The following SPAG17 variants were observed in gnomAD, a reference collection of about 807,000 sequenced individuals.
SPAG17 encodes sperm-associated antigen 17.
In SPAG17, 169 loss-of-function variants were observed where a neutral mutation model predicts 273.6. The observed-to-expected ratio is 0.62, with a 90% CI of 0.55 to 0.70. The LOEUF (loss-of-function observed/expected upper bound fraction) is 0.70, where lower values mean the gene tolerates loss of function less well. SPAG17 is among the 30% of genes least tolerant of loss of function. SPAG17 has a pLI of 0.00. For missense variants in SPAG17, 2,557 were observed against 2,627.8 expected (o/e 0.97, Z 0.59); for synonymous variants, 825 against 873.2 (o/e 0.94, Z 0.97).
chr1:118,002,519 C>T (rs535784045), intron 32 of SPAG17, among the ~76,000 whole-genome samples: 248 of 152,262 alleles, frequency 1.6e-3, no homozygotes, highest in Non-Finnish European at 2.8e-3. Context: ...GTATTGGGTG[C>T]ATATATATTT....
chr1:118,166,972 C>T (rs536008198), intron 1 of SPAG17, among the ~76,000 whole-genome samples: 1 of 151,918 alleles, frequency 6.6e-6, no homozygotes, highest in South Asian at 2.1e-4. Flanking sequence ...TTTTGAGGCT[C>T]AACTAAATAT....
chr1:118,185,223 C>A lies in SPAG17; in HGVS notation c.-66G>T. 2.3e-6 allele frequency: 3 copies of A among 1,331,514 alleles called. No homozygotes were observed. The highest frequency in any genetic ancestry group is 2.2e-6 in the Non-Finnish European group (2 of 924,070). 82.5% of individuals were successfully genotyped at this position (1,331,514 alleles called of 1,614,324 possible). ...GGCCCTGCCTAAGCGTCCCCGCTAC[C>A]ACAGTAACCGAAGCCACGCCCAGTT... is the stretch of plus-strand genomic sequence containing the variant. On this transcript the variant is annotated 5_prime_UTR_variant, in exon 1 of 49. Transcript: ENST00000336338.
chr1:118,095,224 G>A (rs947808230), intron 7 of SPAG17, among the ~76,000 whole-genome samples: 1 of 152,220 alleles, frequency 6.6e-6, no homozygotes, highest in Admixed American at 6.5e-5. Context: ...CAGAGTGCTA[G>A]AAATGGTGCT....
At chr1:117,958,955 G>A (rs1391203959) in intron 48 of SPAG17, 23 of 1,613,970 alleles carry the variant, frequency 1.4e-5, no homozygotes, top group Non-Finnish European at 1.9e-5. Context: ...TTGTGCCAGT[G>A]ATAGAAAAAT....
At position 118,101,836 on chromosome 1, in the gene SPAG17, C is replaced by T. The variant is rs1347564484; in HGVS notation, c.538G>A (p.Gly180Arg). The change falls in exon 5 of 49, where the codon GGA becomes AGA. Residue 180 changes from glycine to arginine, a missense_variant. Gly to Arg is a moderately radical substitution (Grantham distance 125, BLOSUM62 -2). Transcript: ENST00000336338. The part of the protein sequence containing the change: ...KKAPSAKPAK[G>R]KGKDQPEANA... ...GCCTCAGGCTGATCCTTTCCCTTTC[C>T]TTTGGCAGGCTTGGCACTTGGAGCC... 1.2e-6 allele frequency: 2 copies of T among 1,613,882 alleles called. No homozygotes were observed. Among genetic ancestry groups the T allele is most frequent in the Admixed American group, 1.7e-5 (1 of 59,958 alleles).
intron 1 of SPAG17, among the ~76,000 whole-genome samples, chr1:118,166,436 T>C (rs1240047183): frequency 1.3e-5 from 2 of 152,298 alleles, no homozygotes; most frequent in South Asian, 4.1e-4. Flanking sequence ...CAGAGAAATG[T>C]TAACAGTGGG....
intron 10 of SPAG17, among the ~76,000 whole-genome samples, chr1:118,089,015 G>C (rs1472680566): frequency 1.3e-5 from 2 of 152,196 alleles, no homozygotes. Flanking sequence ...AGACTACATT[G>C]TTACTGCTTG....
At chr1:118,041,774 A>G in intron 21 of SPAG17, 29 bp downstream of exon 21, 1 of 1,593,256 alleles carries the variant, frequency 6.3e-7, no homozygotes, top group Non-Finnish European at 8.5e-7. Flanking sequence ...TAGCCCAAAG[A>G]GACTAAGTTT....
intron 21 of SPAG17, 81 bp from the exon 22 acceptor site, chr1:118,040,922 T>C: frequency 1.1e-6 from 1 of 880,838 alleles, no homozygotes; most frequent in Non-Finnish European, 1.9e-6. Context: ...CAACTAAAGT[T>C]GCCAGAAGCT....
At chr1:117,996,875 ATTG>A in intron 32 of SPAG17, 132 bp from the exon 33 acceptor site, 3 of 887,964 alleles carry the variant, frequency 3.4e-6, no homozygotes, top group Non-Finnish European at 5.0e-6. Flanking sequence ...TTTGCAAGGT[ATTG>A]TTTACTAAGT....
At chr1:118,143,760 G>A (rs187312160) in intron 3 of SPAG17, among the ~76,000 whole-genome samples, 83 of 152,220 alleles carry the variant, frequency 5.5e-4, no homozygotes, top group Admixed American at 1.4e-3. Flanking sequence ...TAGAGTATAG[G>A]GTGTTAAGAG....
chr1:118,097,862 C>A lies in SPAG17; in HGVS notation c.830-11G>T. On this transcript the variant is annotated splice_polypyrimidine_tract_variant and intron_variant, in intron 6 of 48. Transcript: ENST00000336338. ...TTTCTGCTTCTAGATCTAATAATAGCAACATGTTTATATTACCAAATGAGA... is the reference window on the plus strand; with the variant it reads ...TTTCTGCTTCTAGATCTAATAATAGAAACATGTTTATATTACCAAATGAGA... 3 of 1,548,014 alleles carry A rather than the reference C, an allele frequency of 1.9e-6. No homozygotes were observed. Among genetic ancestry groups the A allele is most frequent in the South Asian group, 2.5e-5 (2 of 80,646 alleles).
At chr1:118,093,578 G>A (rs1481110137) in intron 7 of SPAG17, among the ~76,000 whole-genome samples, 1 of 152,126 alleles carries the variant, frequency 6.6e-6, no homozygotes, top group Non-Finnish European at 1.5e-5. Flanking sequence ...CCTAATTAAT[G>A]CTTCAACTAA....
At chr1:118,126,621 C>A (rs1255922028) in intron 3 of SPAG17, among the ~76,000 whole-genome samples, 1 of 152,042 alleles carries the variant, frequency 6.6e-6, no homozygotes, top group Non-Finnish European at 1.5e-5. Flanking sequence ...ATATTGTCTC[C>A]CATTCTATAG....
intron 28 of SPAG17, among the ~76,000 whole-genome samples, chr1:118,021,012 C>G (rs1014947839): frequency 2.6e-5 from 4 of 152,042 alleles, no homozygotes; most frequent in African/African-American, 7.2e-5. Flanking sequence ...ATATGGCCCA[C>G]AAAGTCTAAA....
chr1:117,985,172 CA>C (rs1255125967), intron 40 of SPAG17, among the ~76,000 whole-genome samples: 3 of 151,950 alleles, frequency 2.0e-5, no homozygotes, highest in African/African-American at 4.8e-5. Context: ...GCAGTAGTAA[CA>C]AAAAAACCCA....
At chr1:117,959,356 A>G (rs1472811169) in intron 48 of SPAG17, 1 of 1,613,926 alleles carries the variant, frequency 6.2e-7, no homozygotes, top group Admixed American at 1.7e-5. Context: ...GCAAAAAGTG[A>G]AGTTATGTTT....
At chr1:118,106,087 T>C (rs1159060015) in intron 4 of SPAG17, among the ~76,000 whole-genome samples, 2 of 152,184 alleles carry the variant, frequency 1.3e-5, no homozygotes, top group Admixed American at 6.6e-5. Context: ...TGCCTTCCTA[T>C]GTACAATTTG....
intron 24 of SPAG17, among the ~76,000 whole-genome samples, chr1:118,036,361 G>A (rs931772842): frequency 1.3e-5 from 2 of 151,872 alleles, no homozygotes; most frequent in Admixed American, 6.6e-5. Context: ...AGGATTCCTT[G>A]GCAATTTATG....
Sources: gnomAD v4.1 joint callset for allele counts (sites outside exome capture counted in the v4.1 genomes callset) on GRCh38, gnomAD v4.1.1 for gene constraint, MANE v1.5 for transcripts, NCBI Gene and HGNC (gene_info 2026-07-23, HGNC 2026-07-21) for gene names.